Variants in SPECC1L observed in about 807,000 individuals in gnomAD.
The protein encoded by SPECC1L is cytospin-A.
A neutral mutation model predicts 116.8 loss-of-function variants in SPECC1L; 40 were observed. The observed-to-expected ratio is 0.34, with a 90% CI of 0.27 to 0.45. The LOEUF (loss-of-function observed/expected upper bound fraction) is 0.45, where lower values mean the gene tolerates loss of function less well. Among genes scored for constraint, SPECC1L ranks in the 20% least tolerant of loss-of-function variants. The pLI is 1.00. For missense variants in SPECC1L, 1,110 were observed against 1,373.6 expected, an observed-to-expected ratio of 0.81 and a Z score of 3.03; for synonymous variants, 504 against 500.6, an observed-to-expected ratio of 1.01 and a Z score of -0.09.
At position 24,383,792 on chromosome 22, in the gene SPECC1L, ATTTTTTTTTTTTTTTTTTT is replaced by A. The variant is rs538972717; in HGVS notation, c.3087+14494_3087+14512del. On this transcript the variant is annotated intron_variant, in intron 14 of 16. Coordinates refer to ENST00000314328, the MANE Select transcript of SPECC1L (RefSeq NM_015330.6). ...GCTGGGATTACAGGCACCCACCACT[ATTTTTTTTTTTTTTTTTTT>A]TTTTTTTTTTTTTTTTTTTTTAGTA... Among the ~76,000 whole-genome samples the A allele has an allele frequency of 3.4e-3, 262 of 77,330 alleles. 4 individuals carry two copies. Among genetic ancestry groups the A allele is most frequent in the African/African-American group, 0.011 (173 of 15,324 alleles). 50.7% of individuals were successfully genotyped at this position (77,330 alleles called of 152,430 possible). A position where few individuals can be genotyped will look rare whatever the true frequency, so the allele number is the denominator to read the frequency against.
In SPECC1L at chr22:24,416,333, G is replaced by C. The variant is rs1383262359; in HGVS notation, c.*1710G>C. The C allele has an allele frequency of 1.3e-5, 2 of 151,274 alleles. No homozygotes were observed. The allele number at this position is 151,274 out of a possible 1,614,324, so 9.4% of individuals were successfully genotyped here. On this transcript the variant is annotated 3_prime_UTR_variant, in exon 17 of 17. Transcript: ENST00000314328. ...AAATGCCTGTTTTCAGCTAAGAAAG[G>C]AGAGGCCAGGCAAGCAAAGTCATGC... is the stretch of plus-strand genomic sequence containing the variant.
At chr22:24,354,387 T>C (rs2041486344) in intron 11 of SPECC1L, among the ~76,000 whole-genome samples, 1 of 152,238 alleles carries the variant, frequency 6.6e-6, no homozygotes, top group African/African-American at 2.4e-5. Flanking sequence ...TAAGGAATTA[T>C]TTATATGTAT....
chr22:24,300,727 ATGT>A (rs1445053314), intron 2 of SPECC1L, among the ~76,000 whole-genome samples: 32 of 151,890 alleles, frequency 2.1e-4, no homozygotes, highest in Non-Finnish European at 3.4e-4. Context: ...ATGATCAGTG[ATGT>A]TGATATACAG....
In SPECC1L at chr22:24,312,030, G is replaced by A. The variant is rs143445213; in HGVS notation, c.154-1283G>A. Among the ~76,000 whole-genome samples, 319 of 152,128 alleles carry A rather than the reference G, an allele frequency of 2.1e-3. No homozygotes were observed. The highest frequency in any genetic ancestry group is 7.2e-3 in the African/African-American group (298 of 41,484). ...GTTGCCTAGGCTGGAGTACGGTGGC[G>A]TGATCACAGCTCAGTGCAGCTTTGA... On this transcript the variant is annotated intron_variant, in intron 3 of 16. Transcript: ENST00000314328.
chr22:24,273,526 TAAAG>T (rs2048771408), intron 1 of SPECC1L, among the ~76,000 whole-genome samples: 2 of 152,204 alleles, frequency 1.3e-5, no homozygotes, highest in Non-Finnish European at 2.9e-5. Context: ...TTTTTAAAAA[TAAAG>T]AGAGCCGAGA....
chr22:24,302,230 G>T lies in SPECC1L; in HGVS notation c.-2G>T. Reference sequence around the variant, plus strand: ...AAATGCATCACGAAGAGGCAGCCCAGAATGAAGAAAGCAAGCAGGAGTGTT... The same window carrying T: ...AAATGCATCACGAAGAGGCAGCCCATAATGAAGAAAGCAAGCAGGAGTGTT... On this transcript the variant is annotated 5_prime_UTR_variant, in exon 3 of 17. Coordinates refer to ENST00000314328, the MANE Select transcript of SPECC1L (RefSeq NM_015330.6). The T allele has an allele frequency of 6.2e-7, 1 of 1,614,034 alleles. No homozygotes were observed. The highest frequency in any genetic ancestry group is 1.1e-5 in the South Asian group (1 of 91,070).
intron 8 of SPECC1L, among the ~76,000 whole-genome samples, chr22:24,332,636 G>A (rs2040961688): frequency 6.6e-6 from 1 of 151,664 alleles, no homozygotes; most frequent in Admixed American, 6.6e-5. Flanking sequence ...TGAGAGTTTA[G>A]CTGTTTACTC....
chr22:24,327,395 A>T (rs1444332352), intron 6 of SPECC1L, among the ~76,000 whole-genome samples: 1 of 152,082 alleles, frequency 6.6e-6, no homozygotes, highest in Non-Finnish European at 1.5e-5. Context: ...GGTAAAGAAG[A>T]TGATGAGCCA....
intron 10 of SPECC1L, among the ~76,000 whole-genome samples, chr22:24,345,270 A>G (rs1033522059): frequency 6.6e-6 from 1 of 152,238 alleles, no homozygotes; most frequent in Non-Finnish European, 1.5e-5. Flanking sequence ...TAGAAAAAAA[A>G]ATAACCTCAG....
At chr22:24,314,218 T>G (rs920283168) in intron 4 of SPECC1L, among the ~76,000 whole-genome samples, 2 of 151,820 alleles carry the variant, frequency 1.3e-5, no homozygotes, top group African/African-American at 4.8e-5. Flanking sequence ...CTAGTTTTGT[T>G]TTTTGTATTT....
chr22:24,351,842 G>A lies in SPECC1L; in HGVS notation c.2743+4666G>A, dbSNP rs900034414. On this transcript the variant is annotated intron_variant, in intron 11 of 16. Transcript: ENST00000314328. ...TTTAAAAATACAGTGTGTAATTTTC[G>A]TTTAAAAAATTTAAGTGTCTTCATT... 5.3e-5 allele frequency among the ~76,000 whole-genome samples: 8 copies of A among 152,066 alleles called. 1 individual carries two copies. The highest frequency in any genetic ancestry group is 1.2e-4 in the African/African-American group (5 of 41,404).
At position 24,416,312 on chromosome 22, in the gene SPECC1L, G is replaced by C. The variant is rs985978870; in HGVS notation, c.*1689G>C. 1 of 152,154 alleles carries C rather than the reference G, an allele frequency of 6.6e-6. No homozygotes were observed. The highest frequency in any genetic ancestry group is 1.9e-4 in the East Asian group (1 of 5,188). The allele number at this position is 152,154 out of a possible 1,614,324, so 9.4% of individuals were successfully genotyped here. A position where few individuals can be genotyped will look rare whatever the true frequency, so the allele number is the denominator to read the frequency against. On this transcript the variant is annotated 3_prime_UTR_variant, in exon 17 of 17. Coordinates refer to ENST00000314328, the MANE Select transcript of SPECC1L (RefSeq NM_015330.6). ...CTGGCTGGATGCCCTTTGGTGAAAT[G>C]CCTGTTTTCAGCTAAGAAAGGAGAG...
Position 24,411,382 on chromosome 22 carries a change from C to T in SPECC1L, c.3088-206C>T, listed in dbSNP as rs576754731. Among the ~76,000 whole-genome samples the T allele has an allele frequency of 5.9e-5, 9 of 151,624 alleles. No individual in the cohort carries two copies. The South Asian group carries it at 1.5e-3, about 25-fold the overall frequency. On this transcript the variant is annotated intron_variant, in intron 14 of 16. Coordinates refer to ENST00000314328, the MANE Select transcript of SPECC1L (RefSeq NM_015330.6). ...GTTATACCAGGCCCAGGCGTGACCA[C>T]GTAGGGGCAGCCATCTACAGCTGGT...
intron 2 of SPECC1L, among the ~76,000 whole-genome samples, chr22:24,286,479 G>A (rs2049045742): frequency 1.3e-5 from 2 of 152,200 alleles, no homozygotes; most frequent in Admixed American, 6.5e-5. Flanking sequence ...GTTGGTAACA[G>A]CAAAATTATT....
intron 14 of SPECC1L, among the ~76,000 whole-genome samples, chr22:24,404,534 A>G (rs116351239): frequency 0.019 from 2,914 of 152,196 alleles, 50 homozygotes; most frequent in African/African-American, 0.042. Context: ...CTCCCTCCTC[A>G]TAGCCAGTCT....
At chr22:24,323,720 A>G (rs1275332933) in intron 5 of SPECC1L, among the ~76,000 whole-genome samples, 1 of 152,226 alleles carries the variant, frequency 6.6e-6, no homozygotes, top group Non-Finnish European at 1.5e-5. Context: ...GTTTTTAGTG[A>G]TCACTTTTAA....
At chr22:24,350,019 T>G (rs936775143) in intron 11 of SPECC1L, among the ~76,000 whole-genome samples, 1 of 152,146 alleles carries the variant, frequency 6.6e-6, no homozygotes, top group African/African-American at 2.4e-5. Context: ...CTCTCTAGCC[T>G]CTTCACTTTC....
In SPECC1L at chr22:24,383,792, ATTTTTTTTTTTTT is replaced by A. The variant is rs538972717; in HGVS notation, c.3087+14500_3087+14512del. On this transcript the variant is annotated intron_variant, in intron 14 of 16. Coordinates refer to ENST00000314328, the MANE Select transcript of SPECC1L (RefSeq NM_015330.6). ...GCTGGGATTACAGGCACCCACCACTATTTTTTTTTTTTTTTTTTTTTTTTTTTTTTTTTTTTTT... is the reference window on the plus strand; with the variant it reads ...GCTGGGATTACAGGCACCCACCACTATTTTTTTTTTTTTTTTTTTTTTTTT... 1.8e-3 allele frequency among the ~76,000 whole-genome samples: 140 copies of A among 77,318 alleles called. 1 individual carries two copies. The Middle Eastern group carries it at 0.021, about 12-fold the overall frequency. 50.7% of individuals were successfully genotyped at this position (77,318 alleles called of 152,430 possible). A position where few individuals can be genotyped will look rare whatever the true frequency, so the allele number is the denominator to read the frequency against.
intron 12 of SPECC1L, among the ~76,000 whole-genome samples, chr22:24,364,904 G>A (rs1198956586): frequency 6.6e-6 from 1 of 152,150 alleles, no homozygotes; most frequent in African/African-American, 2.4e-5. Context: ...TGCTTGGTAG[G>A]TACTGTGAGG....
Sources: gnomAD v4.1 joint callset for allele counts (sites outside exome capture counted in the v4.1 genomes callset) on GRCh38, gnomAD v4.1.1 for gene constraint, MANE v1.5 for transcripts, NCBI Gene and HGNC (gene_info 2026-07-23, HGNC 2026-07-21) for gene names.